LTBP4: variants seen among roughly 807,000 people sequenced by gnomAD.
The protein encoded by LTBP4 is latent-transforming growth factor beta-binding protein 4.
A neutral mutation model predicts 180.2 loss-of-function variants in LTBP4; 93 were observed. The observed-to-expected ratio is 0.52, with a 90% CI of 0.44 to 0.61. The LOEUF (loss-of-function observed/expected upper bound fraction) is 0.61. Ranked by LOEUF, LTBP4 falls within the 20% of genes least tolerant of loss-of-function variation. LTBP4 has a pLI of 0.00. For missense variants in LTBP4, 2,116 were observed against 2,256.5 expected, an observed-to-expected ratio of 0.94 and a Z score of 1.26; for synonymous variants, 947 against 934.5, an observed-to-expected ratio of 1.01 and a Z score of -0.24.
At chr19:40,615,193 C>T (rs74868046) in intron 19 of LTBP4, 1 of 23,596 alleles carries the variant, frequency 4.2e-5, no homozygotes, top group Admixed American at 3.9e-4. Context: ...TTTGTGTCGG[C>T]GGGGGGGGGG....
chr19:40,602,183 G>GTGTGTGTGTGTGT (rs1568401445), intron 1 of LTBP4, among the ~76,000 whole-genome samples: 1 of 143,220 alleles, frequency 7.0e-6, no homozygotes, highest in African/African-American at 2.6e-5. Context: ...GTGTGTGTGT[G>GTGTGTGTGTGTGT]GCGGCGGGGG....
chr19:40,627,420 A>G, intron 28 of LTBP4, 65 bp downstream of exon 28: 2 of 1,442,250 alleles, frequency 1.4e-6, no homozygotes, highest in South Asian at 2.9e-5. Context: ...GAGAGGAGGG[A>G]GGGAAACAGA....
rs540613241 is a variant in LTBP4 at position 40,622,794 on chromosome 19, G to A, written c.3484+127G>A. ...GTACTAGTACTGTCAGGGCAAGGGC[G>A]AGCTGCCAGGCAGGTGGGCATGGGC... On this transcript the variant is annotated intron_variant, in intron 23 of 29. Transcript: ENST00000396819. The surrounding 1 kb of genome is among the most constrained non-coding windows in gnomAD (Gnocchi z 5.1). 155 of 1,420,716 alleles carry A rather than the reference G, an allele frequency of 1.1e-4. 1 individual carries two copies. In the South Asian group the frequency reaches 1.5e-3, roughly 14 times the overall value. The allele number at this position is 1,420,716 out of a possible 1,614,324, so 88.0% of individuals were successfully genotyped here. A position where few individuals can be genotyped will look rare whatever the true frequency, so the allele number is the denominator to read the frequency against.
In LTBP4 at chr19:40,611,077, G is replaced by A; in HGVS notation, c.1811-75G>A. ...GGGGTCACGGGGACAGAATGTTGGA[G>A]GGTGGAAAGCCAAAGTGACAGAGGT... is the stretch of plus-strand genomic sequence containing the variant. On this transcript the variant is annotated intron_variant, in intron 12 of 29. Coordinates refer to ENST00000396819, the MANE Select transcript of LTBP4 (RefSeq NM_001042545.2). The surrounding 1 kb of genome is among the most constrained non-coding windows in gnomAD (Gnocchi z 4.4). 2 of 1,588,086 alleles carry A rather than the reference G, an allele frequency of 1.3e-6. No homozygotes were observed. Among genetic ancestry groups the A allele is most frequent in the South Asian group, 1.1e-5 (1 of 89,204 alleles).
In LTBP4 at chr19:40,609,463, G is replaced by A. The variant is rs2081488000; in HGVS notation, c.1427-67G>A. On this transcript the variant is annotated intron_variant, in intron 9 of 29. Transcript: ENST00000396819. The surrounding 1 kb of genome is among the most constrained non-coding windows in gnomAD (Gnocchi z 4.9). The stretch of plus-strand genomic sequence containing the variant: ...TTTATGGATGTCTCCGGGGGTGGGG[G>A]TTTTACTGGGATGAAAGGAACGGAG... 16 of 1,585,416 alleles carry A rather than the reference G, an allele frequency of 1.0e-5. No homozygotes were observed. The highest frequency in any genetic ancestry group is 2.2e-5 in the South Asian group (2 of 90,054).
upstream of LTBP4, chr19:40,599,055 G>C: frequency 1.3e-6 from 1 of 772,726 alleles, no homozygotes; most frequent in South Asian, 1.5e-5. Context: ...AGAAACTGAG[G>C]CGTGGGGAGA....
At chr19:40,600,454 G>A (rs1027113418), upstream of LTBP4, among the ~76,000 whole-genome samples, 1 of 152,220 alleles carries the variant, frequency 6.6e-6, no homozygotes, top group Non-Finnish European at 1.5e-5. This position sits in a 1 kb window ranked among gnomAD's most constrained non-coding sequence, Gnocchi z 4.4. Flanking sequence ...GCGCTGGCCC[G>A]TTAGAAAGCT....
At chr19:40,600,499 G>A (rs111713834), upstream of LTBP4, among the ~76,000 whole-genome samples, 111 of 152,354 alleles carry the variant, frequency 7.3e-4, 2 homozygotes, top group African/African-American at 2.6e-3. The surrounding 1 kb of genome is among the most constrained non-coding windows in gnomAD (Gnocchi z 4.4). Context: ...AAGCGATTGT[G>A]CGGGTTGGCG....
In LTBP4 at chr19:40,622,427, G is replaced by GC; in HGVS notation, c.3245dup (p.Pro1083ThrfsTer3). On this transcript the variant is annotated frameshift_variant, in exon 23 of 30. Coordinates refer to ENST00000396819, the MANE Select transcript of LTBP4 (RefSeq NM_001042545.2). LOFTEE classifies it high-confidence loss of function. The surrounding 1 kb of genome is among the most constrained non-coding windows in gnomAD (Gnocchi z 5.1). ...CACGTTCCCAGGCTCGCAGCCCCAGGCACCTGCTAGCCCCGTTCTGCCCGC... is the reference window on the plus strand; with the variant it reads ...CACGTTCCCAGGCTCGCAGCCCCAGGCCACCTGCTAGCCCCGTTCTGCCCGC... The GC allele has an allele frequency of 6.4e-7, 1 of 1,570,856 alleles. No individual in the cohort carries two copies. The highest frequency in any genetic ancestry group is 8.7e-7 in the Non-Finnish European group (1 of 1,154,490).
At chr19:40,607,278 C>CCCAAA in intron 6 of LTBP4, 87 bp from the exon 7 acceptor site, 4 of 1,119,226 alleles carry the variant, frequency 3.6e-6, no homozygotes, top group African/African-American at 1.6e-5. Flanking sequence ...ACCCCCAACC[C>CCCAAA]CAGAACCATT....
Position 40,601,380 on chromosome 19 carries a change from C to T in LTBP4, c.-8C>T, listed in dbSNP as rs2081422560. ...GGCGGCGGCGCGGCGGAGCGCGGCG[C>T]TGCAGCCATGGCGGGCGGCGTGCGG... is the stretch of plus-strand genomic sequence containing the variant. On this transcript the variant is annotated 5_prime_UTR_variant, in exon 1 of 30. Transcript: ENST00000396819. The T allele has an allele frequency of 4.8e-6, 6 of 1,247,574 alleles. No homozygotes were observed. In the South Asian group the frequency reaches 1.4e-4, roughly 29 times the overall value. 77.3% of individuals were successfully genotyped at this position (1,247,574 alleles called of 1,614,324 possible).
At chr19:40,599,450 A>G, upstream of LTBP4, 6 of 1,613,826 alleles carry the variant, frequency 3.7e-6, no homozygotes, top group African/African-American at 1.3e-5. Flanking sequence ...CTGCCAGCCC[A>G]AAAAGTGTGC....
rs1599868148 is a variant in LTBP4 at position 40,613,233 on chromosome 19, T to G, written c.2431+37T>G. 2 of 1,549,676 alleles carry G rather than the reference T, an allele frequency of 1.3e-6. No individual in the cohort carries two copies. Among genetic ancestry groups the G allele is most frequent in the Non-Finnish European group, 1.7e-6 (2 of 1,145,096 alleles). ...AGGGACCCGCCAGAGAGTCTGGGAG[T>G]AGGGCCTGGGTTCCAGGGCAAAGCC... is the stretch of plus-strand genomic sequence containing the variant. On this transcript the variant is annotated intron_variant, in intron 16 of 29. Coordinates refer to ENST00000396819, the MANE Select transcript of LTBP4 (RefSeq NM_001042545.2). The surrounding 1 kb of genome is among the most constrained non-coding windows in gnomAD (Gnocchi z 5.0).
rs1316150116 is a variant in LTBP4 at position 40,613,061 on chromosome 19, A to T, written c.2300-4A>T. On this transcript the variant is annotated splice_region_variant and splice_polypyrimidine_tract_variant and intron_variant, in intron 15 of 29. Transcript: ENST00000396819. This position sits in a 1 kb window ranked among gnomAD's most constrained non-coding sequence, Gnocchi z 5.0. The stretch of plus-strand genomic sequence containing the variant: ...CCCTTTCTGAACACCCCCACCCCCC[A>T]CAGATGTGGACGAATGCAGTTCGGG... 1 of 1,610,788 alleles carries T rather than the reference A, an allele frequency of 6.2e-7. No homozygotes were observed. The highest frequency in any genetic ancestry group is 2.2e-5 in the East Asian group (1 of 44,752).
At chr19:40,595,684 G>A (rs2146007751) in intron 1 of LTBP4, among the ~76,000 whole-genome samples, 1 of 152,140 alleles carries the variant, frequency 6.6e-6, no homozygotes, top group South Asian at 2.1e-4. Context: ...AGACTCTTAG[G>A]CAAGGAAGGG....
chr19:40,593,328 G>T lies in LTBP4; in HGVS notation c.16+147G>T, dbSNP rs956135683. On this transcript the variant is annotated intron_variant, in intron 1 of 32. Coordinates refer to the LTBP4 transcript ENST00000204005. Reference sequence around the variant, plus strand: ...TGCAATCATGGCTCACTGCAGCCTCGGCCTTCTGGGCTCAAGTGATCCTCC... The same window carrying T: ...TGCAATCATGGCTCACTGCAGCCTCTGCCTTCTGGGCTCAAGTGATCCTCC... 4 of 836,066 alleles carry T rather than the reference G, an allele frequency of 4.8e-6. No individual in the cohort carries two copies. The East Asian group carries it at 1.1e-4, about 23-fold the overall frequency. 51.8% of individuals were successfully genotyped at this position (836,066 alleles called of 1,614,324 possible). A position where few individuals can be genotyped will look rare whatever the true frequency, so the allele number is the denominator to read the frequency against.
chr19:40,615,486 G>T (rs2081542407), intron 19 of LTBP4: 1 of 152,250 alleles, frequency 6.6e-6, no homozygotes, highest in Non-Finnish European at 1.5e-5. Context: ...CAGGCCAGGA[G>T]CTGTGGCTCA....
chr19:40,625,920 T>C lies in LTBP4; in HGVS notation c.3896T>C (p.Leu1299Pro), dbSNP rs1468828001. 6.2e-7 allele frequency: 1 copy of C among 1,604,468 alleles called. No individual in the cohort carries two copies. Residue 1299 changes from leucine to proline, a missense_variant, in exon 27 of 30, where the codon CTG (leucine) becomes CCG (proline). Physicochemically the swap from Leu to Pro is moderately conservative, Grantham distance 98. This residue lies in a region of LTBP4 where 488 missense variants were observed against 458.8 expected (regional missense o/e 1.06). Coordinates refer to ENST00000396819, the MANE Select transcript of LTBP4 (RefSeq NM_001042545.2). ...GADLVCSHPR[L>P]DRQATYTECC... ...GACCTCGTGTGCAGCCACCCTCGGC[T>C]GGACCGTCAGGCCACCTACACAGAG... is the stretch of plus-strand genomic sequence containing the variant.
At position 40,607,494 on chromosome 19, in the gene LTBP4, G is replaced by C; in HGVS notation, c.1121G>C (p.Gly374Ala). The change falls in exon 7 of 30, where the codon GGC becomes GCC. Residue 374 changes from glycine (G) to alanine (A), a missense_variant. By Grantham distance (60) the Gly-to-Ala change is moderately conservative. Coordinates refer to ENST00000396819, the MANE Select transcript of LTBP4 (RefSeq NM_001042545.2). Reference protein sequence around the residue: ...CCCSRVGKAWGRGCQLCPPFG... With the variant: ...CCCSRVGKAWARGCQLCPPFG... ...TGCAGCCGCGTAGGCAAGGCCTGGG[G>C]CCGGGGCTGCCAGCTCTGCCCACCC... is the stretch of plus-strand genomic sequence containing the variant. 6.2e-7 allele frequency: 1 copy of C among 1,612,394 alleles called. No homozygotes were observed. The highest frequency in any genetic ancestry group is 8.5e-7 in the Non-Finnish European group (1 of 1,179,460).
Sources: gnomAD v4.1 joint callset for allele counts (sites outside exome capture counted in the v4.1 genomes callset) on GRCh38, gnomAD v4.1.1 for gene constraint, gnomAD v4.1.1 regional missense constraint, Gnocchi (gnomAD v3.1) non-coding constraint, MANE v1.5 for transcripts, NCBI Gene and HGNC (gene_info 2026-07-23, HGNC 2026-07-21) for gene names.